Variants in EEF1A2 observed in about 807,000 individuals in gnomAD.
The protein encoded by EEF1A2 is eukaryotic translation elongation factor 1 alpha 2, also known as elongation factor 1-alpha 2.
Under a neutral mutation model 39.3 loss-of-function variants are expected in EEF1A2, and 5 were observed. The observed-to-expected ratio is 0.13, with a 90% CI of 0.07 to 0.27. EEF1A2 has a LOEUF of 0.27. EEF1A2 is among the 10% of genes least tolerant of loss of function. The probability of loss-of-function intolerance (pLI) is 1.00; values close to 1 mark genes in which losing one functional copy is unlikely to be tolerated. For synonymous variants in EEF1A2, 287 were observed against 293.7 expected (o/e 0.98, Z 0.23); for missense variants, 218 against 681.4 (o/e 0.32, Z 7.57).
At chr20:63,492,188 A>G (rs1381991775) in intron 5 of EEF1A2, among the ~76,000 whole-genome samples, 2 of 2,620 alleles carry the variant, frequency 7.6e-4, no homozygotes, top group Admixed American at 4.0e-3. Flanking sequence ...GTGGGTGGAT[A>G]GATGGATGGA....
At chr20:63,495,215 G>A (rs1388970119) in intron 3 of EEF1A2, 114 bp from the exon 4 acceptor site, 6 of 1,419,260 alleles carry the variant, frequency 4.2e-6, no homozygotes, top group Non-Finnish European at 5.6e-6. Context: ...GGCCTGAGCA[G>A]CCCACTGGGG....
Position 63,497,587 on chromosome 20 carries a change from CA to C in EEF1A2, c.144+32del. On this transcript the variant is annotated intron_variant, in intron 2 of 7. Transcript: ENST00000217182. The surrounding 1 kb of genome is among the most constrained non-coding windows in gnomAD (Gnocchi z 7.3). ...ACCACGGGAGTTGGGGGTTCCTTCT[CA>C]GGGGGCCAAGACCATAGCCTGGGGA... 1 of 1,593,634 alleles carries C rather than the reference CA, an allele frequency of 6.3e-7. No homozygotes were observed. The highest frequency in any genetic ancestry group is 8.6e-7 in the Non-Finnish European group (1 of 1,168,258).
At chr20:63,495,752 G>A in intron 3 of EEF1A2, 104 bp downstream of exon 3, 2 of 1,435,040 alleles carry the variant, frequency 1.4e-6, no homozygotes, top group East Asian at 2.4e-5. Flanking sequence ...GCCCTCACAG[G>A]AAGCACAGGA....
intron 3 of EEF1A2, 119 bp from the exon 4 acceptor site, chr20:63,495,220 C>G: frequency 7.1e-7 from 1 of 1,416,582 alleles, no homozygotes; most frequent in Non-Finnish European, 9.4e-7. Context: ...GAGCAGCCCA[C>G]TGGGGCCTTG....
rs568764525 is a variant in EEF1A2 at position 63,498,591 on chromosome 20, G to A, written c.-72+467C>T. 1.3e-5 allele frequency: 2 copies of A among 152,132 alleles called. No homozygotes were observed. Among genetic ancestry groups the A allele is most frequent in the East Asian group, 1.9e-4 (1 of 5,148 alleles). 9.4% of individuals were successfully genotyped at this position (152,132 alleles called of 1,614,324 possible). ...CCCTCCCCCCCTCCCTGTGACTCAGGACCCTGGGTCACAGCCCTGTCCCAT... is the reference window on the plus strand; with the variant it reads ...CCCTCCCCCCCTCCCTGTGACTCAGAACCCTGGGTCACAGCCCTGTCCCAT... On this transcript the variant is annotated intron_variant, in intron 1 of 7. Coordinates refer to ENST00000217182, the MANE Select transcript of EEF1A2 (RefSeq NM_001958.5). The surrounding 1 kb of genome is among the most constrained non-coding windows in gnomAD (Gnocchi z 4.1).
Position 63,488,954 on chromosome 20 carries a change from T to G in EEF1A2, c.1228A>C (p.Met410Leu). Reference sequence around the variant, plus strand: ...TACTGGGAGAAGCTCTCCACACACATGGGCTTTCCCGGCACCATCTCCACG... The same window carrying G: ...TACTGGGAGAAGCTCTCCACACACAGGGGCTTTCCCGGCACCATCTCCACG... ...AIVEMVPGKP[M>L]CVESFSQYPP... The change falls in exon 7 of 8, where the codon ATG becomes CTG. Residue 410 changes from methionine to leucine, a missense_variant. Physicochemically the swap from Met to Leu is conservative, Grantham distance 15 (BLOSUM62 2). Coordinates refer to ENST00000217182, the MANE Select transcript of EEF1A2 (RefSeq NM_001958.5). 1 of 1,611,516 alleles carries G rather than the reference T, an allele frequency of 6.2e-7. No individual in the cohort carries two copies. The highest frequency in any genetic ancestry group is 8.5e-7 in the Non-Finnish European group (1 of 1,179,804).
chr20:63,491,876 A>G (rs62651371), intron 5 of EEF1A2, among the ~76,000 whole-genome samples: 1,190 of 62,168 alleles, frequency 0.019, 53 homozygotes, highest in African/African-American at 0.063. Flanking sequence ...GTGGATGGAT[A>G]GATGGATGGA....
At position 63,494,941 on chromosome 20, in the gene EEF1A2, T is replaced by C; in HGVS notation, c.485A>G (p.Tyr162Cys). 6.2e-7 allele frequency: 1 copy of C among 1,612,798 alleles called. No homozygotes were observed. Among genetic ancestry groups the C allele is most frequent in the Non-Finnish European group, 8.5e-7 (1 of 1,179,978 alleles). ...VNKMDSTEPA[Y>C]SEKRYDEIVK... ...GATCTCGTCGTAGCGCTTCTCGCTG[T>C]AGGCCGGCTCTGTGGAGTCCATTTT... Residue 162 changes from tyrosine to cysteine, a missense_variant, in exon 4 of 8, where the codon TAC (tyrosine) becomes TGC (cysteine). Physicochemically the swap from Tyr to Cys is radical, Grantham distance 194. Transcript: ENST00000217182.
rs779261770 is a variant in EEF1A2 at position 63,488,352 on chromosome 20, G to A, written c.1338C>T (p.Gly446=). 6 of 1,468,644 alleles carry A rather than the reference G, an allele frequency of 4.1e-6. No individual in the cohort carries two copies. In the African/African-American group the frequency reaches 4.4e-5, roughly 11 times the overall value. 91.0% of individuals were successfully genotyped at this position (1,468,644 alleles called of 1,614,324 possible). ...CCGACTTGGTGACCTTGCCGGCGCC[G>A]CCGCTCTTCTTCTCCACGTTCTTGA... is the stretch of plus-strand genomic sequence containing the variant. ...GVIKNVEKKS[G]GAGKVTKSAQ... The change falls in exon 8 of 8, where the codon GGC becomes GGT. Residue 446 remains glycine (G), a synonymous_variant. Transcript: ENST00000217182.
At chr20:63,493,934 C>G (rs1295099949) in intron 4 of EEF1A2, among the ~76,000 whole-genome samples, 1 of 152,256 alleles carries the variant, frequency 6.6e-6, no homozygotes, top group South Asian at 2.1e-4. Context: ...TGGCTGGAGG[C>G]CTCCCTGGGG....
At position 63,494,978 on chromosome 20, in the gene EEF1A2, C is replaced by T. The variant is rs1355004578; in HGVS notation, c.448G>A (p.Val150Met). The change falls in exon 4 of 8, where the codon GTG becomes ATG. Residue 150 changes from valine to methionine, a missense_variant. This residue lies in a region of EEF1A2 where 79 missense variants were observed against 172.3 expected (regional missense o/e 0.46). Transcript: ENST00000217182. ...GTGGAGTCCATTTTGTTCACGCCCA[C>T]GATGAGCTGCTTCACACCCAGCGTG... ...AYTLGVKQLIVGVNKMDSTEP... is the reference protein window; with the variant it reads ...AYTLGVKQLIMGVNKMDSTEP... The T allele has an allele frequency of 1.2e-6, 2 of 1,612,816 alleles. No individual in the cohort carries two copies. The highest frequency in any genetic ancestry group is 1.7e-6 in the Non-Finnish European group (2 of 1,179,976).
At chr20:63,496,378 G>A (rs558732537) in intron 2 of EEF1A2, 8 of 310,092 alleles carry the variant, frequency 2.6e-5, no homozygotes, top group Admixed American at 9.3e-5. Flanking sequence ...CTGAAGCTGC[G>A]GACGCCCCCA....
At chr20:63,493,574 G>A (rs1451407084) in intron 4 of EEF1A2, among the ~76,000 whole-genome samples, 1 of 152,202 alleles carries the variant, frequency 6.6e-6, no homozygotes, top group Non-Finnish European at 1.5e-5. Flanking sequence ...CCCCAGTCCA[G>A]CCCCAAGTCC....
intron 2 of EEF1A2, 21 bp from the exon 3 acceptor site, chr20:63,496,056 G>T: frequency 6.2e-7 from 1 of 1,611,386 alleles, no homozygotes; most frequent in South Asian, 1.1e-5. Flanking sequence ...TGAGGGTCAC[G>T]GCTGAGGGCG....
rs138448197 is a variant in EEF1A2 at position 63,495,404 on chromosome 20, C to T, written c.325-303G>A. Among the ~76,000 whole-genome samples the T allele has an allele frequency of 3.8e-4, 58 of 152,364 alleles. 1 individual carries two copies. In the East Asian group the frequency reaches 0.011, roughly 29 times the overall value. On this transcript the variant is annotated intron_variant, in intron 3 of 7. Coordinates refer to ENST00000217182, the MANE Select transcript of EEF1A2 (RefSeq NM_001958.5). ...CTCACTTGAGGACGGATAGAAGTCA[C>T]AGTTATCAAAGCAGTTTGGAGGTGG...
In EEF1A2 at chr20:63,497,610, G is replaced by C. The variant is rs552195724; in HGVS notation, c.144+10C>G. The C allele has an allele frequency of 3.7e-6, 6 of 1,610,482 alleles. No individual in the cohort carries two copies. Among genetic ancestry groups the C allele is most frequent in the South Asian group, 2.2e-5 (2 of 90,694 alleles). Reference sequence around the variant, plus strand: ...CTCAGGGGGCCAAGACCATAGCCTGGGGAGCTCACCTCAGCCGCCTCCTTC... The same window carrying C: ...CTCAGGGGGCCAAGACCATAGCCTGCGGAGCTCACCTCAGCCGCCTCCTTC... On this transcript the variant is annotated intron_variant, in intron 2 of 7. Coordinates refer to ENST00000217182, the MANE Select transcript of EEF1A2 (RefSeq NM_001958.5). This position sits in a 1 kb window ranked among gnomAD's most constrained non-coding sequence, Gnocchi z 7.3.
chr20:63,497,347 C>A lies in EEF1A2; in HGVS notation c.144+273G>T. On this transcript the variant is annotated intron_variant, in intron 2 of 7. Transcript: ENST00000217182. The surrounding 1 kb of genome is among the most constrained non-coding windows in gnomAD (Gnocchi z 7.3). ...GCCCCAGCTCAACATGGCAGAGTTC[C>A]AGAGCCTTCTGCAGACCCTCCCAGG... 2.6e-6 allele frequency: 1 copy of A among 391,680 alleles called. No homozygotes were observed. 24.3% of individuals were successfully genotyped at this position (391,680 alleles called of 1,614,324 possible).
In EEF1A2 at chr20:63,497,736, T is replaced by C; in HGVS notation, c.28A>G (p.Ile10Val). 6.2e-7 allele frequency: 1 copy of C among 1,612,698 alleles called. No homozygotes were observed. Among genetic ancestry groups the C allele is most frequent in the Non-Finnish European group, 8.5e-7 (1 of 1,179,696 alleles). The change falls in exon 2 of 8, where the codon ATC (isoleucine) becomes GTC (valine). Residue 10 changes from isoleucine (I) to valine (V), a missense_variant. Ile to Val is a conservative substitution (Grantham distance 29, BLOSUM62 3). Transcript: ENST00000217182. The surrounding 1 kb of genome is among the most constrained non-coding windows in gnomAD (Gnocchi z 7.3). MGKEKTHIN[I>V]VVIGHVDSGK... is the part of the protein sequence containing the mutation. ...GAGTCCACGTGGCCGATGACCACGA[T>C]GTTGATGTGGGTCTTCTCCTTGCCC...
Position 63,488,901 on chromosome 20 carries a change from G to A in EEF1A2, c.1264+17C>T, listed in dbSNP as rs770292456. 3.1e-5 allele frequency: 50 copies of A among 1,607,020 alleles called. No homozygotes were observed. In the Middle Eastern group the frequency reaches 4.9e-4, roughly 16 times the overall value. On this transcript the variant is annotated intron_variant, in intron 7 of 7. Transcript: ENST00000217182. ...CACAGCCTGGGGGCTGCACCTCCCC[G>A]GACCACCCCGGCTCACCGAGAGGCG...
Sources: allele counts gnomAD v4.1 joint callset (sites outside exome capture counted in the v4.1 genomes callset), GRCh38; gene constraint gnomAD v4.1.1; regional missense constraint gnomAD v4.1.1; non-coding constraint Gnocchi (gnomAD v3.1); transcripts MANE v1.5; gene names NCBI Gene and HGNC (gene_info 2026-07-23, HGNC 2026-07-21).